The following SMARCB1 variants were observed in gnomAD, a reference collection of about 807,000 sequenced individuals.
SMARCB1 encodes the protein SWI/SNF related BAF chromatin remodeling complex subunit B1, also known as SWI/SNF-related matrix-associated actin-dependent regulator of chromatin subfamily B member 1.
A neutral mutation model predicts 49.0 loss-of-function variants in SMARCB1; 5 were observed. The ratio of observed to expected loss-of-function variants is 0.10; its 90% confidence interval spans 0.05 to 0.21. The LOEUF is 0.21. Ranked by LOEUF, SMARCB1 falls within the 10% of genes least tolerant of loss-of-function variation. SMARCB1 has a pLI of 1.00. For missense variants in SMARCB1, 226 were observed against 509.2 expected (o/e 0.44, Z 5.35); for synonymous variants, 201 against 200.1 (o/e 1.00, Z -0.04).
rs191756981 is a variant in SMARCB1 at position 23,835,037 on chromosome 22, C to T, written c.*857C>T. 5,845 of 1,408,986 alleles carry T rather than the reference C, an allele frequency of 4.1e-3. 19 individuals carry two copies. The highest frequency in any genetic ancestry group is 4.9e-3 in the Non-Finnish European group (5,365 of 1,083,844). The allele number at this position is 1,408,986 out of a possible 1,614,324, so 87.3% of individuals were successfully genotyped here. On this transcript the variant is annotated 3_prime_UTR_variant, in exon 9 of 9. Coordinates refer to ENST00000644036, the MANE Select transcript of SMARCB1 (RefSeq NM_003073.5). ...GCACCCATAGCCAGGTCAGCTGGGG[C>T]CCTTTCCCACCCCAGCAGGTGCTGT...
intron 1 of SMARCB1, among the ~76,000 whole-genome samples, chr22:23,789,324 C>A (rs1304262137): frequency 6.6e-6 from 1 of 152,242 alleles, no homozygotes; most frequent in Non-Finnish European, 1.5e-5. Flanking sequence ...CTGCAGAATG[C>A]AAAAGGTGTC....
At chr22:23,831,969 G>A (rs1001818225) in intron 7 of SMARCB1, among the ~76,000 whole-genome samples, 1 of 152,180 alleles carries the variant, frequency 6.6e-6, no homozygotes, top group Non-Finnish European at 1.5e-5. Flanking sequence ...GAGCTTCTGC[G>A]ACTCATGAGC....
intron 6 of SMARCB1, chr22:23,824,754 C>T (rs1790392865): frequency 1.5e-5 from 3 of 203,734 alleles, no homozygotes; most frequent in Non-Finnish European, 3.0e-5. Flanking sequence ...GAGTGGGGTG[C>T]ATCTGTGAAC....
At chr22:23,817,250 G>T (rs928782) in intron 6 of SMARCB1, 450,144 of 495,762 alleles carry the variant, frequency 0.91, 205,411 homozygotes, top group African/African-American at 0.95. Context: ...TGCTCCAGGG[G>T]GGCCTAGTAA....
rs1928051628 is a variant in SMARCB1, at chr22:23,787,282, CGCCCTCCCCGGGCTCGGCCCCGCGGGA to C, written c.93+25_93+51del. The C allele has an allele frequency of 6.7e-7, 1 of 1,487,420 alleles. No homozygotes were observed. Among genetic ancestry groups the C allele is most frequent in the Non-Finnish European group, 9.3e-7 (1 of 1,076,520 alleles). 92.1% of individuals were successfully genotyped at this position (1,487,420 alleles called of 1,614,324 possible). On this transcript the variant is annotated intron_variant, in intron 1 of 8. Transcript: ENST00000644036. ...TCCGAGGTAGCCCGGGGCGCGTTCT[CGCCCTCCCCGGGCTCGGCCCCGCGGGA>C]GCCCCGGGGCGGGCCCATGCGCCGA...
intron 7 of SMARCB1, among the ~76,000 whole-genome samples, chr22:23,827,448 G>C (rs754989205): frequency 2.0e-5 from 3 of 152,208 alleles, no homozygotes; most frequent in Non-Finnish European, 4.4e-5. Context: ...GACCCCCTGG[G>C]GAGTCCCTGG....
At chr22:23,789,938 C>T (rs1928272463) in intron 1 of SMARCB1, among the ~76,000 whole-genome samples, 1 of 152,192 alleles carries the variant, frequency 6.6e-6, no homozygotes, top group African/African-American at 2.4e-5. Context: ...AAGGCATCTG[C>T]ATTTACTAAG....
At chr22:23,799,823 T>A (rs1238679191) in intron 3 of SMARCB1, among the ~76,000 whole-genome samples, 1 of 151,888 alleles carries the variant, frequency 6.6e-6, no homozygotes, top group Non-Finnish European at 1.5e-5. Flanking sequence ...TAGCTGGGAC[T>A]GCAGGCGCCT....
At chr22:23,830,445 GAGA>G (rs953111700) in intron 7 of SMARCB1, among the ~76,000 whole-genome samples, 3 of 152,096 alleles carry the variant, frequency 2.0e-5, no homozygotes, top group Admixed American at 1.3e-4. Context: ...ATCTTCTTTG[GAGA>G]AAGTGCTTTG....
chr22:23,792,000 G>A (rs543129736), intron 2 of SMARCB1, 106 bp downstream of exon 2: 3 of 1,305,192 alleles, frequency 2.3e-6, no homozygotes, highest in South Asian at 1.2e-5. Flanking sequence ...CTTGGCCTTA[G>A]TCGGGCAGGG....
At chr22:23,813,260 A>G (rs1056288163) in intron 5 of SMARCB1, among the ~76,000 whole-genome samples, 2 of 152,204 alleles carry the variant, frequency 1.3e-5, no homozygotes, top group Non-Finnish European at 2.9e-5. Context: ...CTTATTCAAC[A>G]TAGTGTTGGA....
chr22:23,802,566 G>A, intron 4 of SMARCB1: 1 of 158,778 alleles, frequency 6.3e-6, no homozygotes, highest in Non-Finnish European at 1.4e-5. Flanking sequence ...CTGTTTCCCA[G>A]CGCATTCATG....
chr22:23,794,784 G>A (rs34462027), intron 3 of SMARCB1, among the ~76,000 whole-genome samples: 13,423 of 152,108 alleles, frequency 0.088, 765 homozygotes, highest in East Asian at 0.17. Flanking sequence ...TGTAATCCCA[G>A]CTACTCGGGA....
At chr22:23,789,540 G>C (rs1426906817) in intron 1 of SMARCB1, among the ~76,000 whole-genome samples, 1 of 152,208 alleles carries the variant, frequency 6.6e-6, no homozygotes, top group Non-Finnish European at 1.5e-5. Flanking sequence ...TGTTTCTCAT[G>C]TGTATAATGT....
At chr22:23,800,265 T>C (rs1929059433) in intron 3 of SMARCB1, among the ~76,000 whole-genome samples, 2 of 152,246 alleles carry the variant, frequency 1.3e-5, no homozygotes, top group South Asian at 2.1e-4. Context: ...AAACGCTTCA[T>C]GGGACATGGG....
Position 23,816,931 on chromosome 22 carries a change from A to G in SMARCB1, c.790A>G (p.Ile264Val), listed in dbSNP as rs887245809. The change falls in exon 6 of 9, where the codon ATC becomes GTC. Residue 264 changes from isoleucine to valine, a missense_variant. Ile to Val is a conservative substitution (Grantham distance 29). Around this residue, in one of 6 missense-constraint regions of SMARCB1, gnomAD observed 128 missense variants for 263.9 expected, o/e 0.49. Coordinates refer to ENST00000644036, the MANE Select transcript of SMARCB1 (RefSeq NM_003073.5). Reference sequence around the variant, plus strand: ...GGACCAGTCAGACCAGCGCGTCATCATCAAGGTAGGTGACTTCTCACCCAG... The same window carrying G: ...GGACCAGTCAGACCAGCGCGTCATCGTCAAGGTAGGTGACTTCTCACCCAG... ...LEDQSDQRVI[I>V]KLNIHVGNIS... The G allele has an allele frequency of 2.5e-6, 4 of 1,613,692 alleles. No homozygotes were observed. The highest frequency in any genetic ancestry group is 1.3e-5 in the African/African-American group (1 of 74,932).
intron 6 of SMARCB1, chr22:23,824,517 CA>C (rs537807829): frequency 1.3e-5 from 2 of 153,794 alleles, no homozygotes; most frequent in Non-Finnish European, 2.9e-5. Context: ...GGTGCCTCCC[CA>C]GGGGGGCAGG....
chr22:23,818,056 C>A (rs1403264135), intron 6 of SMARCB1: 1 of 152,246 alleles, frequency 6.6e-6, no homozygotes, highest in African/African-American at 2.4e-5. Flanking sequence ...AAACTCCTTA[C>A]CTCAGGTGAT....
At chr22:23,803,591 G>A in intron 5 of SMARCB1, 169 bp downstream of exon 5, 1 of 781,160 alleles carries the variant, frequency 1.3e-6, no homozygotes, top group South Asian at 1.5e-5. Flanking sequence ...TGGTTCTGTT[G>A]CTGTTCACTG....
Sources: gnomAD v4.1 joint callset for allele counts (sites outside exome capture counted in the v4.1 genomes callset) on GRCh38, gnomAD v4.1.1 for gene constraint, gnomAD v4.1.1 regional missense constraint, MANE v1.5 for transcripts, NCBI Gene and HGNC (gene_info 2026-07-23, HGNC 2026-07-21) for gene names.